The following PLPP3 variants were observed in gnomAD, a reference collection of about 807,000 sequenced individuals.
The protein encoded by PLPP3 is phospholipid phosphatase 3, also known as PAP2 beta.
In PLPP3, 6 loss-of-function variants were observed where a neutral mutation model predicts 29.6. That is an observed-to-expected ratio of 0.20 (90% CI 0.11 to 0.40). The LOEUF is 0.40. Among genes scored for constraint, PLPP3 ranks in the 10% least tolerant of loss-of-function variants. The pLI, the probability that PLPP3 is intolerant of heterozygous loss-of-function variation, is 1.00. For missense variants in PLPP3, 308 were observed against 407.7 expected (o/e 0.76, Z 2.11); for synonymous variants, 152 against 159.7 (o/e 0.95, Z 0.36).
chr1:56,541,598 C>T (rs1164437675), intron 1 of PLPP3, among the ~76,000 whole-genome samples: 1 of 152,100 alleles, frequency 6.6e-6, no homozygotes, highest in African/African-American at 2.4e-5. Flanking sequence ...TTAAGCCACC[C>T]TAAGGTTCAA....
chr1:56,496,638 C>T lies in PLPP3; in HGVS notation c.849G>A (p.Thr283=), dbSNP rs773818825. ...FVSDLFKTKT[T]LSLPAPAIRK... ...GGATAGCAGGGGCAGGCAGGGAGAG[C>T]GTCGTCTTAGTCTTGAAGAGGTCAG... is the stretch of plus-strand genomic sequence containing the variant. The change falls in exon 6 of 6, where the codon ACG becomes ACA. Residue 283 remains threonine, a synonymous_variant. Coordinates refer to ENST00000371250, the MANE Select transcript of PLPP3 (RefSeq NM_003713.5). 20 of 1,613,660 alleles carry T rather than the reference C, an allele frequency of 1.2e-5. 1 individual carries two copies. The highest frequency in any genetic ancestry group is 1.1e-4 in the South Asian group (10 of 91,068).
At chr1:56,576,758 G>C (rs117912372) in intron 1 of PLPP3, among the ~76,000 whole-genome samples, 1 of 152,114 alleles carries the variant, frequency 6.6e-6, no homozygotes, top group South Asian at 2.1e-4. Context: ...ATTAGCTTTG[G>C]GGGGACGGGG....
At chr1:56,554,903 C>T (rs937402299) in intron 1 of PLPP3, among the ~76,000 whole-genome samples, 1 of 152,132 alleles carries the variant, frequency 6.6e-6, no homozygotes, top group Admixed American at 6.5e-5. Flanking sequence ...ATAGTCAATC[C>T]CTATCTCTGT....
At chr1:56,511,692 T>A (rs2100232358) in intron 5 of PLPP3, among the ~76,000 whole-genome samples, 1 of 152,084 alleles carries the variant, frequency 6.6e-6, no homozygotes, top group South Asian at 2.1e-4. Context: ...TTGGACAATA[T>A]CTCAGCTCTC....
intron 1 of PLPP3, among the ~76,000 whole-genome samples, chr1:56,558,760 C>A (rs1646100987): frequency 6.6e-6 from 1 of 152,170 alleles, no homozygotes; most frequent in African/African-American, 2.4e-5. Context: ...AACTGTCTGG[C>A]CCTAAGACAT....
chr1:56,551,723 C>T (rs2100283971), intron 1 of PLPP3, among the ~76,000 whole-genome samples: 1 of 152,304 alleles, frequency 6.6e-6, no homozygotes, highest in South Asian at 2.1e-4. Context: ...AACAAACTTG[C>T]CCTTCGCAAA....
At chr1:56,554,050 C>T (rs1646057084) in intron 1 of PLPP3, among the ~76,000 whole-genome samples, 1 of 148,818 alleles carries the variant, frequency 6.7e-6, no homozygotes, top group Non-Finnish European at 1.5e-5. Flanking sequence ...AAGCCTTTGG[C>T]TTTTCCCCCC....
chr1:56,496,594 G>C lies in PLPP3; in HGVS notation c.893C>G (p.Pro298Arg). 6.2e-7 allele frequency: 1 copy of C among 1,614,062 alleles called. No individual in the cohort carries two copies. The highest frequency in any genetic ancestry group is 1.3e-5 in the African/African-American group (1 of 75,020). ...APAIRKEILS[P>R]VDIIDRNNHH... is the part of the protein sequence containing the mutation. ...ATTGTTCCTGTCAATAATGTCCACAGGTGAAAGGATTTCCTTCCGGATAGC... is the reference window on the plus strand; with the variant it reads ...ATTGTTCCTGTCAATAATGTCCACACGTGAAAGGATTTCCTTCCGGATAGC... Residue 298 changes from proline (P) to arginine (R), a missense_variant, in exon 6 of 6, where the codon CCT (proline) becomes CGT (arginine). By Grantham distance (103) the Pro-to-Arg change is moderately radical. Around this residue, in one of 3 missense-constraint regions of PLPP3, gnomAD observed 232 missense variants for 317.2 expected, o/e 0.73. Transcript: ENST00000371250.
At chr1:56,520,859 C>T (rs955941181) in intron 4 of PLPP3, among the ~76,000 whole-genome samples, 11 of 136,172 alleles carry the variant, frequency 8.1e-5, no homozygotes, top group Admixed American at 4.1e-4. Flanking sequence ...TGCAGTGAGC[C>T]GAGATTGCAC....
chr1:56,576,764 C>A (rs1051582577), intron 1 of PLPP3, among the ~76,000 whole-genome samples: 5 of 151,978 alleles, frequency 3.3e-5, no homozygotes, highest in South Asian at 2.1e-4. Context: ...TTTGGGGGGA[C>A]GGGGGATAGT....
intron 2 of PLPP3, among the ~76,000 whole-genome samples, chr1:56,529,590 T>C (rs1645873482): frequency 6.6e-6 from 1 of 152,212 alleles, no homozygotes; most frequent in African/African-American, 2.4e-5. Flanking sequence ...AAAAATATAA[T>C]GTACTGGGTC....
chr1:56,563,499 A>G (rs1262154446), intron 1 of PLPP3, among the ~76,000 whole-genome samples: 1 of 152,206 alleles, frequency 6.6e-6, no homozygotes, highest in African/African-American at 2.4e-5. Context: ...AAAATTGGCC[A>G]AGTATTCTCC....
intron 1 of PLPP3, among the ~76,000 whole-genome samples, chr1:56,571,034 G>T (rs1183087840): frequency 2.0e-5 from 3 of 152,134 alleles, no homozygotes; most frequent in Non-Finnish European, 4.4e-5. Flanking sequence ...TTTTTCTACT[G>T]ACGCACGCAA....
chr1:56,522,461 G>A (rs1336260558), intron 4 of PLPP3, among the ~76,000 whole-genome samples: 1 of 152,044 alleles, frequency 6.6e-6, no homozygotes, highest in Non-Finnish European at 1.5e-5. Context: ...ATACACAAAG[G>A]GAGCAGGAAC....
At chr1:56,523,965 T>A in intron 3 of PLPP3, 85 bp from the exon 4 acceptor site, 1 of 1,472,050 alleles carries the variant, frequency 6.8e-7, no homozygotes, top group Non-Finnish European at 9.4e-7. Flanking sequence ...CCCTAGACTG[T>A]AACCTTGAGA....
At chr1:56,551,918 T>C (rs776013267) in intron 1 of PLPP3, among the ~76,000 whole-genome samples, 1 of 152,170 alleles carries the variant, frequency 6.6e-6, no homozygotes, top group Non-Finnish European at 1.5e-5. Flanking sequence ...CCTAATCTAT[T>C]AAGGGACTGC....
chr1:56,503,955 T>C (rs1457576713), intron 5 of PLPP3, among the ~76,000 whole-genome samples: 1 of 152,036 alleles, frequency 6.6e-6, no homozygotes, highest in African/African-American at 2.4e-5. Flanking sequence ...TTTTTGTATT[T>C]TTTTAGTAGA....
In PLPP3 at chr1:56,542,184, T is replaced by C. The variant is rs117489955; in HGVS notation, c.140-5072A>G. Among the ~76,000 whole-genome samples, 1,306 of 152,244 alleles carry C rather than the reference T, an allele frequency of 8.6e-3. 28 individuals carry two copies. The highest frequency in any genetic ancestry group is 0.048 in the South Asian group (230 of 4,816). ...AGGCCCCTGTGTTGGGTTCAGGCCT[T>C]TGAAACTTCTCTGGCTTTGAAAAAC... On this transcript the variant is annotated intron_variant, in intron 1 of 5. Transcript: ENST00000371250.
intron 5 of PLPP3, among the ~76,000 whole-genome samples, chr1:56,503,688 A>C (rs1021568056): frequency 6.6e-5 from 10 of 152,178 alleles, no homozygotes; most frequent in African/African-American, 2.2e-4. Context: ...TCCAAAAAAA[A>C]CCAAAAAAAA....
Sources: gnomAD v4.1 joint callset for allele counts (sites outside exome capture counted in the v4.1 genomes callset) on GRCh38, gnomAD v4.1.1 for gene constraint, gnomAD v4.1.1 regional missense constraint, MANE v1.5 for transcripts, NCBI Gene and HGNC (gene_info 2026-07-23, HGNC 2026-07-21) for gene names.